PTCHD4: variants seen among roughly 807,000 people sequenced by gnomAD.
PTCHD4 encodes the protein patched domain containing 4.
A neutral mutation model predicts 58.1 loss-of-function variants in PTCHD4; 33 were observed. The ratio of observed to expected loss-of-function variants is 0.57; its 90% CI spans 0.43 to 0.76. The LOEUF (loss-of-function observed/expected upper bound fraction) is 0.76, where lower values mean the gene tolerates loss of function less well. Among genes scored for constraint, PTCHD4 ranks in the 30% least tolerant of loss-of-function variants. The probability of loss-of-function intolerance (pLI) is 0.00; values close to 1 mark genes in which losing one functional copy is unlikely to be tolerated. For synonymous variants in PTCHD4, 478 were observed against 409.6 expected (o/e 1.17, Z -2.02); for missense variants, 1,058 against 1,027.1 (o/e 1.03, Z -0.41).
intron 3 of PTCHD4, among the ~76,000 whole-genome samples, chr6:48,026,629 G>T (rs1763255737): frequency 6.6e-6 from 1 of 151,980 alleles, no homozygotes; most frequent in South Asian, 2.1e-4. Context: ...TGGGGCTTTA[G>T]GTCCCCTATG....
chr6:47,910,867 C>G (rs964331265), intron 4 of PTCHD4, among the ~76,000 whole-genome samples: 1 of 152,144 alleles, frequency 6.6e-6, no homozygotes, highest in Non-Finnish European at 1.5e-5. Flanking sequence ...CCCTTCTCCT[C>G]ACGTATAAAT....
intron 1 of PTCHD4, among the ~76,000 whole-genome samples, chr6:48,079,568 G>A (rs547129301): frequency 6.6e-6 from 1 of 151,368 alleles, no homozygotes; most frequent in Non-Finnish European, 1.5e-5. Context: ...AGGAGAAAAA[G>A]GCAGTGAGAA....
At chr6:48,014,725 GATT>G (rs1289582783) in intron 3 of PTCHD4, among the ~76,000 whole-genome samples, 3 of 152,106 alleles carry the variant, frequency 2.0e-5, no homozygotes, top group Non-Finnish European at 4.4e-5. Context: ...GTCATTAATG[GATT>G]ATTTGTATAA....
rs759609741 is a variant in PTCHD4 at position 47,877,414 on chromosome 6, A to G, written c.*889T>C. Among the ~76,000 whole-genome samples, 2 of 152,086 alleles carry G rather than the reference A, an allele frequency of 1.3e-5. No individual in the cohort carries two copies. The highest frequency in any genetic ancestry group is 2.9e-5 in the Non-Finnish European group (2 of 67,966). On this transcript the variant is annotated 3_prime_UTR_variant, in exon 5 of 5. Transcript: ENST00000339488. ...AGTCTTCCAAATACAGTAAAAGCCA[A>G]CGAAAATCCATATCAACTGTTTATT...
intron 4 of PTCHD4, among the ~76,000 whole-genome samples, chr6:47,943,002 C>T (rs772618182): frequency 7.2e-5 from 11 of 152,166 alleles, no homozygotes; most frequent in Admixed American, 1.3e-4. Context: ...ATAACCCCTC[C>T]GTATGCAGTT....
chr6:47,881,050 T>A lies in PTCHD4; in HGVS notation c.899-1114A>T, dbSNP rs564066408. Reference sequence around the variant, plus strand: ...AGCAATACTACATAGGAACCTTTTCTGTGAATGGATACAAGCTGTGCTTGG... The same window carrying A: ...AGCAATACTACATAGGAACCTTTTCAGTGAATGGATACAAGCTGTGCTTGG... On this transcript the variant is annotated intron_variant, in intron 4 of 4. Coordinates refer to ENST00000339488, the MANE Select transcript of PTCHD4 (RefSeq NM_001384253.1). 2.0e-5 allele frequency among the ~76,000 whole-genome samples: 3 copies of A among 152,282 alleles called. No individual in the cohort carries two copies. In the South Asian group the frequency reaches 6.2e-4, roughly 32 times the overall value.
At chr6:48,053,655 G>T (rs539105571) in intron 3 of PTCHD4, among the ~76,000 whole-genome samples, 1 of 152,214 alleles carries the variant, frequency 6.6e-6, no homozygotes, top group Non-Finnish European at 1.5e-5. Flanking sequence ...TTGCATTAAT[G>T]TGTTAAACTA....
chr6:48,040,880 C>G lies in PTCHD4; in HGVS notation c.417+27350G>C, dbSNP rs9349438. On this transcript the variant is annotated intron_variant, in intron 3 of 4. Transcript: ENST00000339488. Reference sequence around the variant, plus strand: ...CCCATCACACTGCCTCAGTGCAGCACCTACAAAGACGTAAAATCTCATTTT... The same window carrying G: ...CCCATCACACTGCCTCAGTGCAGCAGCTACAAAGACGTAAAATCTCATTTT... Among the ~76,000 whole-genome samples, 161 of 152,104 alleles carry G rather than the reference C, an allele frequency of 1.1e-3. 3 individuals carry two copies. The East Asian group carries it at 0.029, about 27-fold the overall frequency.
intron 4 of PTCHD4, among the ~76,000 whole-genome samples, chr6:47,910,360 A>G (rs753993156): frequency 6.6e-6 from 1 of 152,090 alleles, no homozygotes; most frequent in Non-Finnish European, 1.5e-5. Flanking sequence ...AGCCCCCTAT[A>G]ACTTGAACAA....
chr6:48,103,572 C>T (rs1017421075), intron 1 of PTCHD4, among the ~76,000 whole-genome samples: 1 of 152,172 alleles, frequency 6.6e-6, no homozygotes, highest in African/African-American at 2.4e-5. Context: ...CGCAGCTCCT[C>T]ACCAGGAATG....
intron 3 of PTCHD4, among the ~76,000 whole-genome samples, chr6:48,067,501 G>A (rs560641661): frequency 1.3e-5 from 2 of 152,018 alleles, no homozygotes; most frequent in African/African-American, 4.8e-5. Flanking sequence ...TTCCTGCTTC[G>A]TTTGCTATGC....
chr6:47,928,894 T>C (rs865897222), intron 4 of PTCHD4, among the ~76,000 whole-genome samples: 18 of 152,208 alleles, frequency 1.2e-4, no homozygotes, highest in South Asian at 2.1e-4. Flanking sequence ...TAACCTATCA[T>C]AATGGTGCTT....
chr6:48,096,340 G>T (rs1765469063), intron 1 of PTCHD4, among the ~76,000 whole-genome samples: 1 of 152,100 alleles, frequency 6.6e-6, no homozygotes, highest in Admixed American at 6.5e-5. Context: ...GGCATGGCGT[G>T]GTGGCTCACA....
intron 1 of PTCHD4, among the ~76,000 whole-genome samples, chr6:48,105,164 A>G (rs1292685029): frequency 6.6e-6 from 1 of 152,330 alleles, no homozygotes; most frequent in East Asian, 1.9e-4. Context: ...TTTCAGCACC[A>G]CACCACACCT....
Position 48,058,273 on chromosome 6 carries a change from G to T in PTCHD4, c.417+9957C>A, listed in dbSNP as rs149785446. Among the ~76,000 whole-genome samples the T allele has an allele frequency of 8.9e-4, 136 of 152,362 alleles. 1 individual carries two copies. Among genetic ancestry groups the T allele is most frequent in the Middle Eastern group, 3.4e-3 (1 of 294 alleles). On this transcript the variant is annotated intron_variant, in intron 3 of 4. Coordinates refer to ENST00000339488, the MANE Select transcript of PTCHD4 (RefSeq NM_001384253.1). ...CAGTGTTTCAGCAGATCCCGAATTA[G>T]GTCTGAAAATTTGCATTTCTAACAA...
chr6:47,920,060 C>A (rs1025925296), intron 4 of PTCHD4, among the ~76,000 whole-genome samples: 2 of 152,006 alleles, frequency 1.3e-5, no homozygotes, highest in Non-Finnish European at 2.9e-5. Context: ...GCAGAGCCTC[C>A]CTGTTAGAAA....
chr6:47,973,148 G>C (rs189777995), intron 4 of PTCHD4, among the ~76,000 whole-genome samples: 56 of 152,204 alleles, frequency 3.7e-4, no homozygotes, highest in African/African-American at 1.3e-3. Context: ...ATTTGAAAGA[G>C]ACACAAACAG....
chr6:48,020,938 C>T (rs1383922736), intron 3 of PTCHD4, among the ~76,000 whole-genome samples: 2 of 151,940 alleles, frequency 1.3e-5, no homozygotes, highest in East Asian at 1.9e-4. Flanking sequence ...GACTCACCAA[C>T]AAAAATAACA....
Position 47,989,658 on chromosome 6 carries a change from C to G in PTCHD4, c.898+18976G>C, listed in dbSNP as rs1768208358. 2.0e-5 allele frequency among the ~76,000 whole-genome samples: 3 copies of G among 152,172 alleles called. No individual in the cohort carries two copies. The South Asian group carries it at 6.2e-4, about 32-fold the overall frequency. ...ACATGGTATTAAGCCTGCAGGTGCA[C>G]AGAAGTCAAGAATTGAGGTTTGGGA... On this transcript the variant is annotated intron_variant, in intron 4 of 4. Coordinates refer to ENST00000339488, the MANE Select transcript of PTCHD4 (RefSeq NM_001384253.1).
Sources: gnomAD v4.1 joint callset for allele counts (sites outside exome capture counted in the v4.1 genomes callset) on GRCh38, gnomAD v4.1.1 for gene constraint, MANE v1.5 for transcripts, NCBI Gene and HGNC (gene_info 2026-07-23, HGNC 2026-07-21) for gene names.